Variants in KRIT1 observed in about 807,000 individuals in gnomAD.
The protein encoded by KRIT1 is KRIT1 ankyrin repeat containing.
KRIT1 carries 45 observed loss-of-function variants against 95.8 expected under a neutral mutation model. The observed-to-expected ratio is 0.47, with a 90% CI of 0.37 to 0.60. The LOEUF (loss-of-function observed/expected upper bound fraction) is 0.60. Among genes scored for constraint, KRIT1 ranks in the 20% least tolerant of loss-of-function variants. The probability of loss-of-function intolerance (pLI) is 0.00; values close to 1 mark genes in which losing one functional copy is unlikely to be tolerated. For synonymous variants in KRIT1, 282 were observed against 278.8 expected (o/e 1.01, Z -0.11); for missense variants, 788 against 877.5 (o/e 0.90, Z 1.29).
intron 16 of KRIT1, among the ~76,000 whole-genome samples, 172 bp downstream of exon 16, chr7:92,213,720 T>A (rs1429847928): frequency 6.6e-6 from 1 of 152,158 alleles, no homozygotes; most frequent in Non-Finnish European, 1.5e-5. Context: ...GATTATATAT[T>A]ACTAAAAATA....
chr7:92,243,956 T>C (rs1800274250), intron 3 of KRIT1, 46 bp downstream of exon 3: 1 of 152,140 alleles, frequency 6.6e-6, no homozygotes, highest in African/African-American at 2.4e-5. Flanking sequence ...CTTCATGAAA[T>C]TTTTTTCAGT....
intron 4 of KRIT1, among the ~76,000 whole-genome samples, chr7:92,241,757 A>C (rs1799701342): frequency 6.6e-6 from 1 of 152,170 alleles, no homozygotes; most frequent in South Asian, 2.1e-4. Flanking sequence ...AGTGGTTTTT[A>C]ATTTTTGAGA....
At chr7:92,202,498 CAAAG>C (rs1790412931) in intron 17 of KRIT1, among the ~76,000 whole-genome samples, 1 of 152,086 alleles carries the variant, frequency 6.6e-6, no homozygotes, top group Admixed American at 6.6e-5. Context: ...TACATATAAA[CAAAG>C]AAAGTGTTCA....
At chr7:92,239,988 C>T (rs143809944) in intron 5 of KRIT1, among the ~76,000 whole-genome samples, 35 of 152,124 alleles carry the variant, frequency 2.3e-4, no homozygotes, top group African/African-American at 7.7e-4. Context: ...GGATTACAGA[C>T]GTGAGCCACT....
At position 92,221,011 on chromosome 7, in the gene KRIT1, T is replaced by C. The variant is rs146339097; in HGVS notation, c.1563+891A>G. 1.5e-3 allele frequency among the ~76,000 whole-genome samples: 225 copies of C among 152,252 alleles called. 1 individual carries two copies. Among genetic ancestry groups the C allele is most frequent in the African/African-American group, 5.3e-3 (219 of 41,564 alleles). On this transcript the variant is annotated intron_variant, in intron 14 of 18. Transcript: ENST00000394505. ...TCCATTCATCCTTCTTATGGCATTATGTCACTTCTTCCTCTCTAAAATCCA... is the reference window on the plus strand; with the variant it reads ...TCCATTCATCCTTCTTATGGCATTACGTCACTTCTTCCTCTCTAAAATCCA...
intron 3 of KRIT1, among the ~76,000 whole-genome samples, chr7:92,242,523 T>C (rs1337332791): frequency 2.0e-5 from 3 of 152,256 alleles, no homozygotes; most frequent in African/African-American, 2.4e-5. Flanking sequence ...GAAATAGTGA[T>C]TCAGAATAAT....
chr7:92,216,446 C>CCTTG (rs1004919664), intron 14 of KRIT1, among the ~76,000 whole-genome samples: 3 of 151,404 alleles, frequency 2.0e-5, no homozygotes, highest in African/African-American at 7.3e-5. Context: ...AAAGCATGAG[C>CCTTG]CTTGACTAGA....
intron 14 of KRIT1, among the ~76,000 whole-genome samples, chr7:92,221,224 C>G (rs1197757469): frequency 6.6e-6 from 1 of 152,048 alleles, no homozygotes; most frequent in Non-Finnish European, 1.5e-5. Flanking sequence ...TCACTTGAAG[C>G]CAAGAGTTCA....
chr7:92,227,980 T>G (rs1796534743), intron 10 of KRIT1, among the ~76,000 whole-genome samples: 1 of 151,880 alleles, frequency 6.6e-6, no homozygotes, highest in South Asian at 2.1e-4. Context: ...GCCATTGCAC[T>G]CGAGGCTGGG....
chr7:92,238,447 A>C (rs1798880956), intron 5 of KRIT1, among the ~76,000 whole-genome samples: 1 of 152,192 alleles, frequency 6.6e-6, no homozygotes. Context: ...TGGGCAGGTA[A>C]ATGATAAGAC....
At chr7:92,234,287 C>T (rs1179384016) in intron 10 of KRIT1, among the ~76,000 whole-genome samples, 162 bp downstream of exon 10, 1 of 152,142 alleles carries the variant, frequency 6.6e-6, no homozygotes, top group African/African-American at 2.4e-5. Context: ...CAATTCTGAA[C>T]ATTGGCACAT....
intron 14 of KRIT1, among the ~76,000 whole-genome samples, chr7:92,220,656 TG>T (rs1269155118): frequency 6.6e-6 from 1 of 151,854 alleles, no homozygotes; most frequent in Non-Finnish European, 1.5e-5. Flanking sequence ...TAATTTAAGC[TG>T]TTATAATCTC....
intron 7 of KRIT1, 79 bp downstream of exon 7, chr7:92,236,334 G>T: frequency 1.1e-6 from 1 of 920,996 alleles, no homozygotes; most frequent in Non-Finnish European, 1.8e-6. Context: ...TTCTCAAAGT[G>T]TCTGTATCTA....
Position 92,222,194 on chromosome 7 carries a change from AAT to A in KRIT1, c.1412-143_1412-142del, listed in dbSNP as rs1419531930. On this transcript the variant is annotated intron_variant, in intron 13 of 18. Transcript: ENST00000394505. ...TAAATCTAAAATTAACATTTTAATC[AAT>A]ATGACTACCCAATTTGTGGTTAACT... 2.2e-5 allele frequency: 14 copies of A among 641,810 alleles called. No homozygotes were observed. In the South Asian group the frequency reaches 2.4e-4, roughly 11 times the overall value. The allele number at this position is 641,810 out of a possible 1,614,324, so 39.8% of individuals were successfully genotyped here.
intron 16 of KRIT1, 119 bp downstream of exon 16, chr7:92,213,773 A>C (rs1793380802): frequency 1.1e-5 from 8 of 705,362 alleles, no homozygotes; most frequent in South Asian, 1.1e-4. Flanking sequence ...GTGAACTAGA[A>C]GATACATTTT....
intron 10 of KRIT1, among the ~76,000 whole-genome samples, chr7:92,229,033 C>T (rs1487710372): frequency 6.6e-6 from 1 of 152,106 alleles, no homozygotes; most frequent in African/African-American, 2.4e-5. Context: ...GTGAATAGTG[C>T]TGGAATGAAC....
At position 92,233,861 on chromosome 7, in the gene KRIT1, A is replaced by T. The variant is rs183759857; in HGVS notation, c.989+588T>A. Reference sequence around the variant, plus strand: ...CTCTAAACACTAACAACTCAGCCCAACTGAGGGGAAAAATAATTATGTGAG... The same window carrying T: ...CTCTAAACACTAACAACTCAGCCCATCTGAGGGGAAAAATAATTATGTGAG... On this transcript the variant is annotated intron_variant, in intron 10 of 18. Coordinates refer to ENST00000394505, the MANE Select transcript of KRIT1 (RefSeq NM_194454.3). Among the ~76,000 whole-genome samples, 325 of 152,330 alleles carry T rather than the reference A, an allele frequency of 2.1e-3. 4 individuals are homozygous for T. The highest frequency in any genetic ancestry group is 7.2e-3 in the African/African-American group (300 of 41,572).
intron 5 of KRIT1, among the ~76,000 whole-genome samples, chr7:92,240,073 T>G (rs1277539571): frequency 6.6e-6 from 1 of 152,076 alleles, no homozygotes; most frequent in African/African-American, 2.4e-5. Flanking sequence ...CCACAAAAAC[T>G]CTTCAGGCTC....
In KRIT1 at chr7:92,205,051, C is replaced by T. The variant is rs186297455; in HGVS notation, c.2026-3628G>A. Among the ~76,000 whole-genome samples, 325 of 152,212 alleles carry T rather than the reference C, an allele frequency of 2.1e-3. 4 individuals are homozygous for T. The highest frequency in any genetic ancestry group is 7.2e-3 in the African/African-American group (300 of 41,536). ...GAGTTATGTGATTATAAAGACCTAT[C>T]AAGACACATAAAGGGGCGAGCACGG... On this transcript the variant is annotated intron_variant, in intron 17 of 18. Coordinates refer to ENST00000394505, the MANE Select transcript of KRIT1 (RefSeq NM_194454.3).
Sources: allele counts gnomAD v4.1 joint callset (sites outside exome capture counted in the v4.1 genomes callset), GRCh38; gene constraint gnomAD v4.1.1; transcripts MANE v1.5; gene names NCBI Gene and HGNC (gene_info 2026-07-23, HGNC 2026-07-21).